The following RABEP2 variants were observed in gnomAD, a reference collection of about 807,000 sequenced individuals.
The protein encoded by RABEP2 is rab GTPase-binding effector protein 2.
Under a neutral mutation model 74.1 loss-of-function variants are expected in RABEP2, and 57 were observed. The ratio of observed to expected loss-of-function variants is 0.77; its 90% CI spans 0.62 to 0.96. The LOEUF is 0.96. RABEP2 is among the 40% of genes least tolerant of loss of function. RABEP2 has a pLI of 0.00. For missense variants in RABEP2, 692 were observed against 756.3 expected, an observed-to-expected ratio of 0.91 and a Z score of 1.00; for synonymous variants, 351 against 344.0, an observed-to-expected ratio of 1.02 and a Z score of -0.23.
chr16:28,913,768 C>T (rs1220947155), intron 5 of RABEP2, among the ~76,000 whole-genome samples: 1 of 150,358 alleles, frequency 6.7e-6, no homozygotes, highest in Non-Finnish European at 1.5e-5. Flanking sequence ...TGAACCACCG[C>T]ACCCGGCCTC....
rs376906760 is a variant in RABEP2, at chr16:28,914,603, G to A, written c.544-17C>T. On this transcript the variant is annotated splice_polypyrimidine_tract_variant and intron_variant, in intron 4 of 12. Transcript: ENST00000358201. ...GGGACGTCTCTAGGGAAGGGGGCAG[G>A]GAAGAGGCTGGGGGGCCAGGGTCCT... 4.6e-4 allele frequency: 741 copies of A among 1,610,540 alleles called. No homozygotes were observed. Among genetic ancestry groups the A allele is most frequent in the Non-Finnish European group, 5.7e-4 (669 of 1,178,180 alleles).
Position 28,906,015 on chromosome 16 carries a change from T to C in RABEP2, c.1423+4A>G. 1 of 1,607,368 alleles carries C rather than the reference T, an allele frequency of 6.2e-7. No individual in the cohort carries two copies. The highest frequency in any genetic ancestry group is 8.5e-7 in the Non-Finnish European group (1 of 1,177,564). ...GGGCTGGGGGCTTGTGCCCCTCCCC[T>C]CACCTGTCTCCTCCCGCTGCACCCT... On this transcript the variant is annotated splice_donor_region_variant and intron_variant, in intron 9 of 12. Coordinates refer to ENST00000358201, the MANE Select transcript of RABEP2 (RefSeq NM_024816.3).
chr16:28,905,351 C>G, intron 12 of RABEP2, 46 bp downstream of exon 12: 3 of 1,426,112 alleles, frequency 2.1e-6, no homozygotes, highest in East Asian at 4.6e-5. Context: ...GGAGAGGTCA[C>G]CCGGAGTGGA....
Position 28,925,210 on chromosome 16 carries a change from G to T in RABEP2, c.-47C>A. On this transcript the variant is annotated 5_prime_UTR_variant, in exon 1 of 13. Transcript: ENST00000358201. The stretch of plus-strand genomic sequence containing the variant: ...TTCCCGCACTCCCTGGTGACGGAGC[G>T]CACCGCTTCCGGGTCCTCTCGGCTG... The T allele has an allele frequency of 6.6e-7, 1 of 1,508,332 alleles. No homozygotes were observed. The highest frequency in any genetic ancestry group is 2.5e-5 in the East Asian group (1 of 39,598). 93.4% of individuals were successfully genotyped at this position (1,508,332 alleles called of 1,614,324 possible).
chr16:28,923,972 C>T, intron 2 of RABEP2: 1 of 172,322 alleles, frequency 5.8e-6, no homozygotes, highest in Non-Finnish European at 1.2e-5. Flanking sequence ...TGGTGCATGG[C>T]GTGGGGTGGA....
chr16:28,921,159 C>T (rs763499619), intron 2 of RABEP2: 28 of 455,536 alleles, frequency 6.1e-5, no homozygotes, highest in South Asian at 2.0e-4. Context: ...CCACCACACC[C>T]GGCCCTTAAT....
In RABEP2 at chr16:28,908,774, G is replaced by A. The variant is rs1264885378; in HGVS notation, c.1090-10C>T. ...TGGTGACCAGCTCCGCCTATGGACA[G>A]ACAGTTAGTATAAGGCAATGAAGAG... On this transcript the variant is annotated splice_polypyrimidine_tract_variant and intron_variant, in intron 7 of 12. Transcript: ENST00000358201. The A allele has an allele frequency of 1.2e-6, 2 of 1,613,468 alleles. No individual in the cohort carries two copies. The highest frequency in any genetic ancestry group is 1.7e-6 in the Non-Finnish European group (2 of 1,179,682).
At chr16:28,909,923 G>C (rs139071174) in intron 7 of RABEP2, among the ~76,000 whole-genome samples, 2,959 of 151,534 alleles carry the variant, frequency 0.02, 98 homozygotes, top group African/African-American at 0.067. Flanking sequence ...CAGCTACTCG[G>C]GAGGCTGAGG....
chr16:28,914,231 C>G lies in RABEP2; in HGVS notation c.894+5G>C, dbSNP rs1017155265. On this transcript the variant is annotated splice_donor_5th_base_variant and intron_variant, in intron 5 of 12. Coordinates refer to ENST00000358201, the MANE Select transcript of RABEP2 (RefSeq NM_024816.3). ...ACACCCCGCCACCCTGCCCACAACA[C>G]TCACCTCTGTCTGCAGCTGCTCCCA... 1.3e-6 allele frequency: 2 copies of G among 1,586,466 alleles called. No homozygotes were observed. The highest frequency in any genetic ancestry group is 2.7e-5 in the African/African-American group (2 of 74,540).
At chr16:28,919,219 G>C (rs896535411) in intron 3 of RABEP2, among the ~76,000 whole-genome samples, 6 of 152,172 alleles carry the variant, frequency 3.9e-5, no homozygotes, top group Non-Finnish European at 7.3e-5. Context: ...GCAGTGGCAC[G>C]ATCTTAGCTC....
At chr16:28,920,107 C>CT (rs1964450585) in intron 2 of RABEP2, among the ~76,000 whole-genome samples, 164 bp from the exon 3 acceptor site, 1 of 152,106 alleles carries the variant, frequency 6.6e-6, no homozygotes, top group Non-Finnish European at 1.5e-5. Context: ...ATCACTCAGC[C>CT]TCTCTGTGCA....
At chr16:28,912,598 G>T in intron 5 of RABEP2, among the ~76,000 whole-genome samples, 1 of 151,634 alleles carries the variant, frequency 6.6e-6, no homozygotes, top group Non-Finnish European at 1.5e-5. Context: ...TTTTTTTGTA[G>T]GACAGGGTTT....
intron 7 of RABEP2, among the ~76,000 whole-genome samples, chr16:28,908,980 GC>G (rs1200050659): frequency 4.0e-5 from 6 of 150,078 alleles, no homozygotes; most frequent in African/African-American, 1.5e-4. Flanking sequence ...CAGGGCCCAA[GC>G]CAGATATTTT....
At position 28,919,899 on chromosome 16, in the gene RABEP2, C is replaced by T; in HGVS notation, c.319G>A (p.Glu107Lys). The T allele has an allele frequency of 6.2e-7, 1 of 1,608,718 alleles. No individual in the cohort carries two copies. Among genetic ancestry groups the T allele is most frequent in the Non-Finnish European group, 8.5e-7 (1 of 1,176,768 alleles). The change falls in exon 3 of 13, where the codon GAG becomes AAG. Residue 107 changes from glutamate to lysine, a missense_variant. Glu to Lys is a moderately conservative substitution (Grantham distance 56). Coordinates refer to ENST00000358201, the MANE Select transcript of RABEP2 (RefSeq NM_024816.3). ...YEAQITALKQ[E>K]RQQQQQDCEE... ...CAGTCCTGCTGCTGCTGCTGTCGCT[C>T]CTGCTTCAGGGCGGTGATCTGGGCT...
At position 28,925,226 on chromosome 16, in the gene RABEP2, C is replaced by T; in HGVS notation, c.-63G>A. ...TGACGGAGCGCACCGCTTCCGGGTCCTCTCGGCTGTTTCCGGATCCGCTCG... is the reference window on the plus strand; with the variant it reads ...TGACGGAGCGCACCGCTTCCGGGTCTTCTCGGCTGTTTCCGGATCCGCTCG... On this transcript the variant is annotated 5_prime_UTR_variant, in exon 1 of 13. Transcript: ENST00000358201. 1 of 1,488,896 alleles carries T rather than the reference C, an allele frequency of 6.7e-7. No individual in the cohort carries two copies. The highest frequency in any genetic ancestry group is 8.9e-7 in the Non-Finnish European group (1 of 1,124,972). 92.2% of individuals were successfully genotyped at this position (1,488,896 alleles called of 1,614,324 possible).
Position 28,908,674 on chromosome 16 carries a change from A to G in RABEP2, c.1180T>C (p.Ser394Pro), listed in dbSNP as rs764066570. 1.2e-6 allele frequency: 2 copies of G among 1,614,188 alleles called. No individual in the cohort carries two copies. Among genetic ancestry groups the G allele is most frequent in the Non-Finnish European group, 1.7e-6 (2 of 1,180,024 alleles). Reference protein sequence around the residue: ...NQGLRAEQLPSSAPQGSQQEQ... With the variant: ...NQGLRAEQLPPSAPQGSQQEQ... ...TGCTGCGAGCCCTGGGGGGCTGAGGATGGCAGCTGCTCGGCCCGGAGCCCT... is the reference window on the plus strand; with the variant it reads ...TGCTGCGAGCCCTGGGGGGCTGAGGGTGGCAGCTGCTCGGCCCGGAGCCCT... Residue 394 changes from serine to proline, a missense_variant, in exon 8 of 13, where the codon TCC becomes CCC. By Grantham distance (74) the Ser-to-Pro change is moderately conservative. Coordinates refer to ENST00000358201, the MANE Select transcript of RABEP2 (RefSeq NM_024816.3).
chr16:28,924,737 C>A, intron 1 of RABEP2, 122 bp from the exon 2 acceptor site: 2 of 937,862 alleles, frequency 2.1e-6, no homozygotes, highest in South Asian at 1.4e-5. Context: ...TGGGCCCGCC[C>A]GGCTCACCTG....
rs759235694 is a variant in RABEP2 at position 28,914,200 on chromosome 16, G to T, written c.894+36C>A. ...GGGGGAAGCATCCAGCAGAGAGGGG[G>T]ATGGTACACCCCGCCACCCTGCCCA... On this transcript the variant is annotated intron_variant, in intron 5 of 12. Coordinates refer to ENST00000358201, the MANE Select transcript of RABEP2 (RefSeq NM_024816.3). 5.3e-6 allele frequency: 8 copies of T among 1,511,832 alleles called. No homozygotes were observed. In the Admixed American group the frequency reaches 1.1e-4, roughly 22 times the overall value. The allele number at this position is 1,511,832 out of a possible 1,614,324, so 93.7% of individuals were successfully genotyped here.
rs1255383415 is a variant in RABEP2 at position 28,905,880 on chromosome 16, T to C, written c.1424-2A>G. 2 of 1,613,664 alleles carry C rather than the reference T, an allele frequency of 1.2e-6. No individual in the cohort carries two copies. The highest frequency in any genetic ancestry group is 1.7e-6 in the Non-Finnish European group (2 of 1,180,028). The stretch of plus-strand genomic sequence containing the variant: ...GCACACACTCACCCTCCAGCACCTC[T>C]GTGGGAAGGAAAGAAAGAGAGGTCA... On this transcript the variant is annotated splice_acceptor_variant, in intron 9 of 12. Transcript: ENST00000358201. LOFTEE classifies it high-confidence loss of function.
Sources: allele counts gnomAD v4.1 joint callset (sites outside exome capture counted in the v4.1 genomes callset), GRCh38; gene constraint gnomAD v4.1.1; transcripts MANE v1.5; gene names NCBI Gene and HGNC (gene_info 2026-07-23, HGNC 2026-07-21).